The following YTHDF2 variants were observed in gnomAD, a reference collection of about 807,000 sequenced individuals.
The protein encoded by YTHDF2 is YTH domain-containing family protein 2.
YTHDF2 carries 2 observed loss-of-function variants against 50.4 expected under a neutral mutation model. The ratio of observed to expected loss-of-function variants is 0.04; its 90% CI spans 0.02 to 0.12. YTHDF2 has a LOEUF of 0.12. YTHDF2 is among the 10% of genes least tolerant of loss of function. The pLI is 1.00. For missense variants in YTHDF2, 483 were observed against 722.6 expected (o/e 0.67, Z 3.80); for synonymous variants, 217 against 255.6 (o/e 0.85, Z 1.44).
In YTHDF2 at chr1:28,743,910, A is replaced by G. The variant is rs765810890; in HGVS notation, c.1640A>G (p.Tyr547Cys). 1 of 1,604,182 alleles carries G rather than the reference A, an allele frequency of 6.2e-7. No individual in the cohort carries two copies. The highest frequency in any genetic ancestry group is 2.2e-5 in the East Asian group (1 of 44,824). ...AKQVLKIIAS[Y>C]KHTTSIFDDF... Reference sequence around the variant, plus strand: ...CAGGTGTTGAAAATTATAGCCAGCTACAAGCACACCACTTCCATTTTTGAT... The same window carrying G: ...CAGGTGTTGAAAATTATAGCCAGCTGCAAGCACACCACTTCCATTTTTGAT... The change falls in exon 4 of 5, where the codon TAC becomes TGC. Residue 547 changes from tyrosine to cysteine, a missense_variant. Coordinates refer to ENST00000373812, the MANE Select transcript of YTHDF2 (RefSeq NM_016258.3). This position sits in a 1 kb window ranked among gnomAD's most constrained non-coding sequence, Gnocchi z 6.9.
intron 4 of YTHDF2, among the ~76,000 whole-genome samples, chr1:28,755,777 C>T (rs2088027323): frequency 6.6e-6 from 1 of 152,116 alleles, no homozygotes; most frequent in African/African-American, 2.4e-5. Context: ...TGAGTGCACA[C>T]ATGACACTGA....
intron 4 of YTHDF2, among the ~76,000 whole-genome samples, chr1:28,758,246 G>A (rs1570476097): frequency 6.6e-6 from 1 of 152,068 alleles, no homozygotes; most frequent in East Asian, 1.9e-4. Flanking sequence ...TGCACCTGTG[G>A]TCCTAGCTAC....
chr1:28,747,293 C>G (rs1557543379), intron 4 of YTHDF2, among the ~76,000 whole-genome samples: 1 of 150,750 alleles, frequency 6.6e-6, no homozygotes. Flanking sequence ...AAACCATTGC[C>G]CAGCGCGGTG....
At chr1:28,766,198 C>T (rs182624460) in intron 4 of YTHDF2, among the ~76,000 whole-genome samples, 142 of 152,284 alleles carry the variant, frequency 9.3e-4, no homozygotes, top group Middle Eastern at 3.4e-3. Flanking sequence ...TTCATCTCCC[C>T]GGGCTTAAGT....
At chr1:28,763,870 T>TG (rs902246164) in intron 4 of YTHDF2, among the ~76,000 whole-genome samples, 51 of 99,524 alleles carry the variant, frequency 5.1e-4, no homozygotes, top group African/African-American at 2.0e-3. Flanking sequence ...AACCAACTTT[T>TG]GTTTTTTTTT....
At chr1:28,754,173 T>C (rs112600174) in intron 4 of YTHDF2, among the ~76,000 whole-genome samples, 3 of 152,306 alleles carry the variant, frequency 2.0e-5, no homozygotes, top group African/African-American at 7.2e-5. Context: ...CATACCAACC[T>C]GGGAGGCAGT....
chr1:28,747,676 C>T (rs1189341040), intron 4 of YTHDF2, among the ~76,000 whole-genome samples: 4 of 149,586 alleles, frequency 2.7e-5, no homozygotes, highest in Non-Finnish European at 5.9e-5. Flanking sequence ...CCTCTCCCTC[C>T]GAAAGTGCTG....
chr1:28,758,427 A>G (rs574014455), intron 4 of YTHDF2, among the ~76,000 whole-genome samples: 1 of 152,344 alleles, frequency 6.6e-6, no homozygotes, highest in South Asian at 2.1e-4. Flanking sequence ...GCCTGTAGTC[A>G]GTCCCCTTTG....
intron 4 of YTHDF2, among the ~76,000 whole-genome samples, chr1:28,753,664 ATTGG>A (rs938438087): frequency 2.7e-5 from 4 of 150,430 alleles, no homozygotes; most frequent in Non-Finnish European, 4.4e-5. Context: ...CGCTGGAGAG[ATTGG>A]TTGGGCAAGT....
chr1:28,760,949 G>A (rs1012439203), intron 4 of YTHDF2, among the ~76,000 whole-genome samples: 1 of 151,934 alleles, frequency 6.6e-6, no homozygotes, highest in Non-Finnish European at 1.5e-5. Flanking sequence ...CTTGCAGTGC[G>A]GTAGGTTTGT....
chr1:28,742,956 C>G lies in YTHDF2; in HGVS notation c.686C>G (p.Ala229Gly). ...GTGGCTTCCAATAGTTTGCCTCCAG[C>G]CACCATTGCTCCTCCAAAACCAGCA... The part of the protein sequence containing the change: ...NIVASNSLPP[A>G]TIAPPKPASW... The change falls in exon 4 of 5, where the codon GCC becomes GGC. Residue 229 changes from alanine (A) to glycine (G), a missense_variant. Coordinates refer to ENST00000373812, the MANE Select transcript of YTHDF2 (RefSeq NM_016258.3). 1.2e-6 allele frequency: 2 copies of G among 1,614,158 alleles called. No homozygotes were observed. Among genetic ancestry groups the G allele is most frequent in the Non-Finnish European group, 1.7e-6 (2 of 1,180,028 alleles).
chr1:28,737,695 C>G lies in YTHDF2; in HGVS notation c.52+13C>G, dbSNP rs751449243. ...CAAGGAAACAAAGGTAAGTCCCGCT[C>G]CGCCGGTGGCCCTGAGCCGGGAGGG... On this transcript the variant is annotated intron_variant, in intron 2 of 4. Transcript: ENST00000373812. 1.9e-6 allele frequency: 3 copies of G among 1,613,478 alleles called. No homozygotes were observed. The highest frequency in any genetic ancestry group is 2.2e-5 in the South Asian group (2 of 91,040).
intron 4 of YTHDF2, among the ~76,000 whole-genome samples, chr1:28,747,496 C>G (rs919306262): frequency 5.3e-5 from 8 of 150,052 alleles, no homozygotes; most frequent in Non-Finnish European, 1.0e-4. Flanking sequence ...CATTGCAATC[C>G]AGCCTGGTGA....
At chr1:28,764,553 G>C (rs571778184) in intron 4 of YTHDF2, among the ~76,000 whole-genome samples, 51 of 151,222 alleles carry the variant, frequency 3.4e-4, no homozygotes, top group Admixed American at 2.7e-3. Flanking sequence ...GATTACAGGC[G>C]TGAGCCATCG....
chr1:28,738,157 T>A, intron 2 of YTHDF2, 102 bp from the exon 3 acceptor site: 2 of 876,960 alleles, frequency 2.3e-6, no homozygotes, highest in Non-Finnish European at 3.6e-6. Flanking sequence ...TCTTACGTGC[T>A]TTGTTAACTA....
intron 4 of YTHDF2, among the ~76,000 whole-genome samples, chr1:28,754,744 C>A (rs2088010784): frequency 1.3e-5 from 2 of 151,934 alleles, no homozygotes; most frequent in African/African-American, 4.8e-5. Context: ...GCGGCAGTTG[C>A]AGTGAGCCGA....
At chr1:28,767,571 C>T (rs868451599) in intron 4 of YTHDF2, among the ~76,000 whole-genome samples, 18 of 152,108 alleles carry the variant, frequency 1.2e-4, no homozygotes, top group Middle Eastern at 6.8e-3. Context: ...TGCAGTGGCA[C>T]GATCTCGGCT....
intron 4 of YTHDF2, among the ~76,000 whole-genome samples, chr1:28,756,915 C>A (rs961200473): frequency 6.6e-6 from 1 of 152,192 alleles, no homozygotes; most frequent in Non-Finnish European, 1.5e-5. Context: ...ACGTTCTCTT[C>A]CTGCTTTTTT....
At chr1:28,748,425 A>G (rs1416917737) in intron 4 of YTHDF2, among the ~76,000 whole-genome samples, 1 of 152,200 alleles carries the variant, frequency 6.6e-6, no homozygotes, top group Non-Finnish European at 1.5e-5. Context: ...CTTTCATGCC[A>G]GATGGGTGGT....
Sources: allele counts gnomAD v4.1 joint callset (sites outside exome capture counted in the v4.1 genomes callset), GRCh38; gene constraint gnomAD v4.1.1; non-coding constraint Gnocchi (gnomAD v3.1); transcripts MANE v1.5; gene names NCBI Gene and HGNC (gene_info 2026-07-23, HGNC 2026-07-21).